The following FDX1 variants were observed in gnomAD, a reference collection of about 807,000 sequenced individuals.
The protein encoded by FDX1 is ferredoxin 1, also known as adrenodoxin, mitochondrial.
Under a neutral mutation model 14.9 loss-of-function variants are expected in FDX1, and 9 were observed. The observed-to-expected ratio is 0.60, with a 90% CI of 0.36 to 1.05. FDX1 has a LOEUF of 1.05. Ranked by LOEUF, FDX1 falls within the 50% of genes least tolerant of loss-of-function variation. FDX1 has a pLI of 0.01. For synonymous variants in FDX1, 92 were observed against 99.4 expected (o/e 0.93, Z 0.44); for missense variants, 204 against 237.2 (o/e 0.86, Z 0.92).
In FDX1 at chr11:110,450,857, C is replaced by A. The variant is rs963455065; in HGVS notation, c.311-6061C>A. Among the ~76,000 whole-genome samples the A allele has an allele frequency of 2.6e-5, 4 of 152,102 alleles. No homozygotes were observed. The South Asian group carries it at 8.3e-4, about 32-fold the overall frequency. On this transcript the variant is annotated intron_variant, in intron 2 of 3. Coordinates refer to ENST00000260270, the MANE Select transcript of FDX1 (RefSeq NM_004109.5). ...ATACACATAGACATACACATTTTCC[C>A]TGTTCATTTACTTTTATATAGCCAA... is the stretch of plus-strand genomic sequence containing the variant.
rs778927007 is a variant in FDX1 at position 110,456,893 on chromosome 11, G to T, written c.311-25G>T. ...AATCGTCTGATGTAGAAGGGACTAT[G>T]TTCAGTGTTTGTTGCTTTTGTCAGG... On this transcript the variant is annotated intron_variant, in intron 2 of 3. Transcript: ENST00000260270. The T allele has an allele frequency of 2.5e-6, 4 of 1,602,580 alleles. No individual in the cohort carries two copies. In the African/African-American group the frequency reaches 5.4e-5, roughly 21 times the overall value.
In FDX1 at chr11:110,430,169, C is replaced by T. The variant is rs943232252; in HGVS notation, c.49C>T (p.Leu17Phe). ...ARLLRAASAVLGGPAGRWLHH... is the reference protein window; with the variant it reads ...ARLLRAASAVFGGPAGRWLHH... ...GCTGCTGCGCGCCGCTTCTGCTGTC[C>T]TCGGCGGCCCGGCCGGCCGGTGGCT... Residue 17 changes from leucine to phenylalanine, a missense_variant, in exon 1 of 4, where the codon CTC becomes TTC. Coordinates refer to ENST00000260270, the MANE Select transcript of FDX1 (RefSeq NM_004109.5). 2.4e-6 allele frequency: 3 copies of T among 1,235,454 alleles called. No homozygotes were observed. Among genetic ancestry groups the T allele is most frequent in the Non-Finnish European group, 3.0e-6 (3 of 992,092 alleles). 76.5% of individuals were successfully genotyped at this position (1,235,454 alleles called of 1,614,324 possible).
Position 110,434,733 on chromosome 11 carries a change from T to G in FDX1, c.186-1101T>G, listed in dbSNP as rs11213401. 3.4e-3 allele frequency among the ~76,000 whole-genome samples: 281 copies of G among 81,672 alleles called. 3 individuals are homozygous for G. The highest frequency in any genetic ancestry group is 5.1e-3 in the African/African-American group (91 of 17,760). The allele number at this position is 81,672 out of a possible 152,430, so 53.6% of individuals were successfully genotyped here. On this transcript the variant is annotated intron_variant, in intron 1 of 3. Transcript: ENST00000260270. Reference sequence around the variant, plus strand: ...GTGTGATGACTTTTTTTGTTTTTTTTTTTTTTTTTTTTTTTGAGACAGGGC... The same window carrying G: ...GTGTGATGACTTTTTTTGTTTTTTTGTTTTTTTTTTTTTTTGAGACAGGGC...
intron 1 of FDX1, among the ~76,000 whole-genome samples, chr11:110,431,240 T>C (rs560098829): frequency 1.3e-5 from 2 of 152,306 alleles, no homozygotes; most frequent in Non-Finnish European, 2.9e-5. Context: ...GGCATATTTG[T>C]TTTTCAAAGA....
In FDX1 at chr11:110,430,147, G is replaced by A. The variant is rs529494476; in HGVS notation, c.27G>A (p.Leu9=). 7.2e-5 allele frequency: 89 copies of A among 1,242,256 alleles called. 1 individual carries two copies. In the South Asian group the frequency reaches 2.1e-3, roughly 29 times the overall value. 77.0% of individuals were successfully genotyped at this position (1,242,256 alleles called of 1,614,324 possible). A position where few individuals can be genotyped will look rare whatever the true frequency, so the allele number is the denominator to read the frequency against. The change falls in exon 1 of 4, where the codon CTG becomes CTA. Residue 9 remains leucine, a synonymous_variant. Transcript: ENST00000260270. MAAAGGAR[L]LRAASAVLGG... is the part of the protein sequence containing the mutation. ...TGGCTGCCGCTGGGGGCGCCCGGCT[G>A]CTGCGCGCCGCTTCTGCTGTCCTCG...
chr11:110,450,802 C>A (rs1946481175), intron 2 of FDX1, among the ~76,000 whole-genome samples: 1 of 152,020 alleles, frequency 6.6e-6, no homozygotes, highest in African/African-American at 2.4e-5. Context: ...ATGTGTATAT[C>A]CATGTATATA....
intron 2 of FDX1, among the ~76,000 whole-genome samples, chr11:110,442,276 C>A (rs7118007): frequency 0.32 from 49,104 of 152,074 alleles, 8,409 homozygotes; most frequent in African/African-American, 0.44. Flanking sequence ...TGGAGCTGTG[C>A]GAAGAGGGCC....
Position 110,464,121 on chromosome 11 carries a change from C to G in FDX1, c.*1653C>G, listed in dbSNP as rs1159574095. The G allele has an allele frequency of 6.6e-6, 1 of 152,064 alleles. No homozygotes were observed. Among genetic ancestry groups the G allele is most frequent in the Non-Finnish European group, 1.5e-5 (1 of 68,036 alleles). The allele number at this position is 152,064 out of a possible 1,614,324, so 9.4% of individuals were successfully genotyped here. On this transcript the variant is annotated 3_prime_UTR_variant, in exon 4 of 4. Transcript: ENST00000260270. ...AGGGACAGGGTTTTACCACGTTGCC[C>G]AGGCTGGTCTTGAACTTTTGAGCTC...
intron 2 of FDX1, among the ~76,000 whole-genome samples, chr11:110,452,301 A>G (rs920471340): frequency 3.9e-5 from 6 of 152,156 alleles, no homozygotes; most frequent in African/African-American, 1.2e-4. Flanking sequence ...CTGAAAAGCC[A>G]AACTACAGAC....
chr11:110,444,789 G>C (rs1345025621), intron 2 of FDX1, among the ~76,000 whole-genome samples: 1 of 139,052 alleles, frequency 7.2e-6, no homozygotes, highest in East Asian at 2.1e-4. Context: ...CCTCTGAGCT[G>C]CCTCACTCTG....
Position 110,444,644 on chromosome 11 carries a change from GTGTGTGTATATATATATATACGTA to G in FDX1, c.310+8688_310+8711del, listed in dbSNP as rs1946426899. Among the ~76,000 whole-genome samples, 3 of 87,770 alleles carry G rather than the reference GTGTGTGTATATATATATATACGTA, an allele frequency of 3.4e-5. No individual in the cohort carries two copies. In the Admixed American group the frequency reaches 4.6e-4, roughly 13 times the overall value. The allele number at this position is 87,770 out of a possible 152,430, so 57.6% of individuals were successfully genotyped here. ...AAAAAGAAAATATATGTGTGTGTGT[GTGTGTGTATATATATATATACGTA>G]TATATATATATATATACACGTATAT... On this transcript the variant is annotated intron_variant, in intron 2 of 3. Coordinates refer to ENST00000260270, the MANE Select transcript of FDX1 (RefSeq NM_004109.5).
At position 110,435,839 on chromosome 11, in the gene FDX1, A is replaced by G; in HGVS notation, c.191A>G (p.Glu64Gly). ...SVSARARSSS[E>G]DKITVHFINR... ...AGGACTGTTTTTTTTTCCAGCTCAG[A>G]AGATAAAATAACAGTCCACTTTATA... Residue 64 changes from glutamate to glycine, a missense_variant, in exon 2 of 4, where the codon GAA (glutamate) becomes GGA (glycine). Glu to Gly is a moderately conservative substitution (Grantham distance 98). Coordinates refer to ENST00000260270, the MANE Select transcript of FDX1 (RefSeq NM_004109.5). The G allele has an allele frequency of 6.3e-7, 1 of 1,592,692 alleles. No individual in the cohort carries two copies. The highest frequency in any genetic ancestry group is 8.5e-7 in the Non-Finnish European group (1 of 1,169,642).
chr11:110,446,370 T>C (rs1037593090), intron 2 of FDX1, among the ~76,000 whole-genome samples: 2 of 152,224 alleles, frequency 1.3e-5, no homozygotes, highest in African/African-American at 4.8e-5. Flanking sequence ...ACCGAAGTAC[T>C]TAGTTTCTTT....
intron 2 of FDX1, among the ~76,000 whole-genome samples, chr11:110,453,311 C>T (rs1946498494): frequency 6.6e-6 from 1 of 152,146 alleles, no homozygotes; most frequent in Non-Finnish European, 1.5e-5. Flanking sequence ...ACACTCCAGT[C>T]CAGGCAACAA....
chr11:110,430,737 G>C (rs113022825), intron 1 of FDX1, among the ~76,000 whole-genome samples: 3 of 152,266 alleles, frequency 2.0e-5, no homozygotes, highest in African/African-American at 7.2e-5. Context: ...CCTGCCAGCT[G>C]TTTTTTTCAG....
At chr11:110,437,788 C>A (rs1288640499) in intron 2 of FDX1, among the ~76,000 whole-genome samples, 1 of 152,124 alleles carries the variant, frequency 6.6e-6, no homozygotes. Context: ...TCCTCCTTGC[C>A]CCTCTCCCTT....
intron 2 of FDX1, among the ~76,000 whole-genome samples, chr11:110,443,463 G>A (rs1470050976): frequency 7.0e-5 from 9 of 127,796 alleles, no homozygotes; most frequent in Non-Finnish European, 1.5e-4. Context: ...TTTTTGAGAC[G>A]TAGTTTTGCT....
chr11:110,448,700 AGT>A (rs1946468000), intron 2 of FDX1, among the ~76,000 whole-genome samples: 1 of 152,262 alleles, frequency 6.6e-6, no homozygotes, highest in Non-Finnish European at 1.5e-5. Context: ...CCTTGAAATT[AGT>A]AAGCATGCTT....
At position 110,446,958 on chromosome 11, in the gene FDX1, CA is replaced by C. The variant is rs374654952; in HGVS notation, c.311-9958del. On this transcript the variant is annotated intron_variant, in intron 2 of 3. Transcript: ENST00000260270. The stretch of plus-strand genomic sequence containing the variant: ...TTGGGAGGCCTAGGTGGGCAGATCA[CA>C]AGGTCACGAGTTTGAGACCAGCCTG... Among the ~76,000 whole-genome samples, 380 of 152,286 alleles carry C rather than the reference CA, an allele frequency of 2.5e-3. 3 individuals are homozygous for C. The highest frequency in any genetic ancestry group is 7.9e-3 in the African/African-American group (328 of 41,554).
Sources: allele counts gnomAD v4.1 joint callset (sites outside exome capture counted in the v4.1 genomes callset), GRCh38; gene constraint gnomAD v4.1.1; transcripts MANE v1.5; gene names NCBI Gene and HGNC (gene_info 2026-07-23, HGNC 2026-07-21).